The following ATRX variants were observed in gnomAD, a reference collection of about 807,000 sequenced individuals.
ATRX encodes chromatin remodeler ATRX.
In ATRX, 12 loss-of-function variants were observed where a neutral mutation model predicts 172.6. The observed-to-expected ratio is 0.07, with a 90% confidence interval of 0.04 to 0.11. The LOEUF (loss-of-function observed/expected upper bound fraction) is 0.11. Ranked by LOEUF, ATRX falls within the 10% of genes least tolerant of loss-of-function variation. The pLI is 1.00. For missense variants in ATRX, 1,368 were observed against 1,767.4 expected (o/e 0.77, Z 4.05); for synonymous variants, 674 against 594.7 (o/e 1.13, Z -1.94).
intron 1 of ATRX, among the ~76,000 whole-genome samples, chrX:77,770,216 C>A (rs1473958851): frequency 9.1e-6 from 1 of 109,486 alleles, no homozygotes; most frequent in Non-Finnish European, 1.9e-5. Flanking sequence ...GATTCTCCTG[C>A]CTCAGCCTCC....
At chrX:77,691,170 CAT>C (rs2071864852) in intron 6 of ATRX, 1 of 111,492 alleles carries the variant, frequency 9.0e-6, no homozygotes, top group Admixed American at 9.5e-5. Context: ...ATATAAAAAA[CAT>C]AGAAAAACAT....
At chrX:77,785,308 G>GTA (rs1228388568) in intron 1 of ATRX, among the ~76,000 whole-genome samples, 3 of 111,032 alleles carry the variant, frequency 2.7e-5, no homozygotes, top group Non-Finnish European at 5.7e-5. Context: ...ACAAAAAGTA[G>GTA]TATACTAGGG....
intron 10 of ATRX, chrX:77,673,998 G>C (rs2070746539): frequency 9.0e-6 from 1 of 110,927 alleles, no homozygotes; most frequent in Admixed American, 9.6e-5. Flanking sequence ...TTAACCATTT[G>C]CAATAATACA....
intron 26 of ATRX, among the ~76,000 whole-genome samples, chrX:77,591,243 G>C (rs1177903506): frequency 9.0e-6 from 1 of 111,668 alleles, no homozygotes. Context: ...GGGGCTCTGA[G>C]AAATAGTTCT....
At chrX:77,771,202 C>A (rs1267619203) in intron 1 of ATRX, among the ~76,000 whole-genome samples, 1 of 110,190 alleles carries the variant, frequency 9.1e-6, no homozygotes, top group Non-Finnish European at 1.9e-5. Context: ...CATGGTGAAA[C>A]CCGGTCTCTA....
intron 30 of ATRX, among the ~76,000 whole-genome samples, chrX:77,530,302 T>C (rs1557045833): frequency 9.0e-6 from 1 of 111,337 alleles, no homozygotes; most frequent in Non-Finnish European, 1.9e-5. Context: ...AGCACTAAAA[T>C]GCCCACATCA....
At chrX:77,758,765 A>T (rs1430868309) in intron 1 of ATRX, among the ~76,000 whole-genome samples, 1 of 111,688 alleles carries the variant, frequency 9.0e-6, no homozygotes, top group East Asian at 2.8e-4. Context: ...CTCAAAAAAA[A>T]AAAGCTAACA....
intron 15 of ATRX, among the ~76,000 whole-genome samples, chrX:77,637,836 G>T (rs1436335510): frequency 1.9e-5 from 2 of 105,002 alleles, no homozygotes; most frequent in African/African-American, 7.0e-5. Context: ...AGCTACTCTG[G>T]AGGCCGAGAC....
rs186914533 is a variant in ATRX, at chrX:77,756,795, T to G, written c.20+29187A>C. On this transcript the variant is annotated intron_variant, in intron 1 of 34. Coordinates refer to ENST00000373344, the MANE Select transcript of ATRX (RefSeq NM_000489.6). ...GCTGTTCCTATTCAGCCATCATTTT[T>G]TTTTTTTTAAGATGGAGTCTCAATC... Among the ~76,000 whole-genome samples the G allele has an allele frequency of 5.4e-4, 59 of 110,099 alleles. No individual in the cohort carries two copies. In the East Asian group the frequency reaches 0.014, roughly 26 times the overall value.
At chrX:77,662,751 G>A (rs1402633490) in intron 12 of ATRX, among the ~76,000 whole-genome samples, 2 of 111,055 alleles carry the variant, frequency 1.8e-5, no homozygotes, top group African/African-American at 3.3e-5. Flanking sequence ...GGACTGCAAT[G>A]GCGCAATCTC....
In ATRX at chrX:77,574,268, T is replaced by C; in HGVS notation, c.6308A>G (p.Asn2103Ser). 8.3e-7 allele frequency: 1 copy of C among 1,202,963 alleles called. No homozygotes were observed. Among genetic ancestry groups the C allele is most frequent in the Non-Finnish European group, 1.1e-6 (1 of 888,248 alleles). ...TTCCTACCTCACATTAGTTTCATCA[T>C]TAAATTCTTCAGCCCACTTCTTCCT... ...QSRKKWAEEFNDETNVRGRLF... is the reference protein window; with the variant it reads ...QSRKKWAEEFSDETNVRGRLF... Residue 2103 changes from asparagine to serine, a missense_variant, in exon 28 of 35, where the codon AAT (asparagine) becomes AGT (serine). Asn to Ser is a conservative substitution (Grantham distance 46, BLOSUM62 1). Transcript: ENST00000373344.
intron 19 of ATRX, among the ~76,000 whole-genome samples, chrX:77,621,871 AAAAACTAATATTTTGT>A (rs201731413): frequency 0.037 from 4,078 of 111,662 alleles, 116 homozygotes; most frequent in African/African-American, 0.1. Flanking sequence ...AACAACAAAA[AAAAACTAATATTTTGT>A]AAAACTAAAA....
intron 1 of ATRX, among the ~76,000 whole-genome samples, chrX:77,761,552 A>T (rs782668943): frequency 9.0e-6 from 1 of 111,156 alleles, no homozygotes; most frequent in Non-Finnish European, 1.9e-5. Flanking sequence ...ATCAATCAAT[A>T]AAGTGTACAA....
chrX:77,721,874 C>T (rs781868098), intron 1 of ATRX, among the ~76,000 whole-genome samples: 3 of 111,800 alleles, frequency 2.7e-5, no homozygotes, highest in South Asian at 7.5e-4. Context: ...CACGACAATC[C>T]TAAGCAAACA....
Position 77,633,695 on chromosome X carries a change from A to C in ATRX, c.4827T>G (p.His1609Gln). 2 of 1,210,602 alleles carry C rather than the reference A, an allele frequency of 1.7e-6. No homozygotes were observed. Among genetic ancestry groups the C allele is most frequent in the Non-Finnish European group, 2.2e-6 (2 of 894,551 alleles). ...GKTLQVVSFL[H>Q]TVLLCDKLDF... ...CCAGTTTGTCACACAAAAGAACTGT[A>C]TGAAGAAAACTTACCACCTATAAGA... The change falls in exon 18 of 35, where the codon CAT becomes CAG. Residue 1609 changes from histidine (H) to glutamine (Q), a missense_variant. This residue lies in a region of ATRX where 27 missense variants were observed against 110.8 expected (regional missense o/e 0.24). Coordinates refer to ENST00000373344, the MANE Select transcript of ATRX (RefSeq NM_000489.6).
intron 2 of ATRX, among the ~76,000 whole-genome samples, chrX:77,713,883 T>G (rs1202411589): frequency 9.0e-6 from 1 of 111,684 alleles, no homozygotes; most frequent in African/African-American, 3.3e-5. Context: ...GACATATCAC[T>G]CCCATAACTG....
intron 22 of ATRX, among the ~76,000 whole-genome samples, chrX:77,604,286 AAAC>A (rs1265427255): frequency 2.7e-5 from 3 of 112,525 alleles, no homozygotes; most frequent in South Asian, 3.6e-4. Context: ...CAAGGAACTC[AAAC>A]AACAACACAA....
intron 14 of ATRX, among the ~76,000 whole-genome samples, chrX:77,652,581 C>T (rs1281433774): frequency 3.8e-5 from 4 of 106,532 alleles, no homozygotes; most frequent in Admixed American, 3.0e-4. Context: ...GCGGGTGGAT[C>T]ACAAGGTCAG....
chrX:77,692,577 C>T (rs2071951412), intron 6 of ATRX, among the ~76,000 whole-genome samples: 1 of 111,817 alleles, frequency 8.9e-6, no homozygotes, highest in Non-Finnish European at 1.9e-5. Context: ...AATATAAGAA[C>T]TTCACTATAA....
Sources: allele counts gnomAD v4.1 joint callset (sites outside exome capture counted in the v4.1 genomes callset), GRCh38; gene constraint gnomAD v4.1.1; regional missense constraint gnomAD v4.1.1; transcripts MANE v1.5; gene names NCBI Gene and HGNC (gene_info 2026-07-23, HGNC 2026-07-21).